Variants in PIGU observed in about 807,000 individuals in gnomAD.
PIGU encodes the protein GPI-anchor transamidase component PIGU.
Under a neutral mutation model 49.9 loss-of-function variants are expected in PIGU, and 24 were observed. The observed-to-expected ratio is 0.48, with a 90% CI of 0.35 to 0.68. The LOEUF is 0.68. Ranked by LOEUF, PIGU falls within the 30% of genes least tolerant of loss-of-function variation. The pLI, the probability that PIGU is intolerant of heterozygous loss-of-function variation, is 0.01. For missense variants in PIGU, 490 were observed against 532.6 expected (o/e 0.92, Z 0.79); for synonymous variants, 220 against 205.7 (o/e 1.07, Z -0.59).
At chr20:34,593,951 T>A (rs1265247379) in intron 7 of PIGU, among the ~76,000 whole-genome samples, 1 of 151,502 alleles carries the variant, frequency 6.6e-6, no homozygotes, top group Non-Finnish European at 1.5e-5. Context: ...CTGAGGCAGG[T>A]GGATCACTTG....
intron 1 of PIGU, among the ~76,000 whole-genome samples, chr20:34,666,065 A>G (rs1044049165): frequency 6.6e-6 from 1 of 152,118 alleles, no homozygotes; most frequent in Non-Finnish European, 1.5e-5. Flanking sequence ...ATGCACTTGT[A>G]GTCTCAGCTC....
At chr20:34,600,334 G>A (rs191491957) in intron 7 of PIGU, among the ~76,000 whole-genome samples, 8 of 152,096 alleles carry the variant, frequency 5.3e-5, no homozygotes, top group Admixed American at 4.6e-4. Context: ...TTGAACCTGG[G>A]AGGCGGAGGT....
At chr20:34,575,368 C>G in intron 10 of PIGU, 122 bp from the exon 11 acceptor site, 1 of 1,209,408 alleles carries the variant, frequency 8.3e-7, no homozygotes, top group Non-Finnish European at 1.1e-6. Flanking sequence ...AGGCAGAGCA[C>G]CCCCAGAGGT....
chr20:34,606,652 G>A (rs1984627019), intron 7 of PIGU, among the ~76,000 whole-genome samples: 1 of 152,150 alleles, frequency 6.6e-6, no homozygotes, highest in South Asian at 2.1e-4. Context: ...ATTTTGTACT[G>A]CCTCATGCCA....
At chr20:34,616,021 T>C (rs1331859284) in intron 7 of PIGU, 21 bp downstream of exon 7, 2 of 1,595,586 alleles carry the variant, frequency 1.3e-6, no homozygotes. Flanking sequence ...GGGTGCTGGC[T>C]TCTGACCAGC....
chr20:34,644,896 AAAGAGT>A (rs1986283411), intron 3 of PIGU, among the ~76,000 whole-genome samples: 1 of 152,222 alleles, frequency 6.6e-6, no homozygotes, highest in African/African-American at 2.4e-5. Context: ...CAAATTCTAA[AAAGAGT>A]AAGTATTTGG....
rs530568984 is a variant in PIGU at position 34,619,359 on chromosome 20, G to A, written c.530-3220C>T. Among the ~76,000 whole-genome samples the A allele has an allele frequency of 3.3e-5, 5 of 152,320 alleles. No homozygotes were observed. In the East Asian group the frequency reaches 9.7e-4, roughly 29 times the overall value. Reference sequence around the variant, plus strand: ...CAGTGGCAGTAGTAGGAAAGGTGCTGTTCTGGAGCCCAACAGCTAGGGTGG... The same window carrying A: ...CAGTGGCAGTAGTAGGAAAGGTGCTATTCTGGAGCCCAACAGCTAGGGTGG... On this transcript the variant is annotated intron_variant, in intron 6 of 11. Transcript: ENST00000217446.
At chr20:34,623,248 T>C (rs764804107) in intron 6 of PIGU, among the ~76,000 whole-genome samples, 18 of 151,364 alleles carry the variant, frequency 1.2e-4, no homozygotes, top group Non-Finnish European at 2.5e-4. Context: ...TGCACCAGGG[T>C]GTGGGGCAAC....
At position 34,560,971 on chromosome 20, in the gene PIGU, G is replaced by C. The variant is rs942908886; in HGVS notation, c.1203C>G (p.Leu401=). ...GGAAGGCATAGAAGTAATCAGAGATGAGCAGGATCTGGGGGGAGAGAGAGG... is the reference window on the plus strand; with the variant it reads ...GGAAGGCATAGAAGTAATCAGAGATCAGCAGGATCTGGGGGGAGAGAGAGG... The part of the protein sequence containing the change: ...TLTFNVGQIL[L]ISDYFYAFLR... Residue 401 remains leucine (L), a synonymous_variant, in exon 12 of 12, where the codon CTC becomes CTG. Transcript: ENST00000217446. The C allele has an allele frequency of 1.9e-6, 3 of 1,605,294 alleles. No homozygotes were observed. Among genetic ancestry groups the C allele is most frequent in the Non-Finnish European group, 2.6e-6 (3 of 1,172,536 alleles).
At chr20:34,639,490 A>G (rs1202338555) in intron 4 of PIGU, among the ~76,000 whole-genome samples, 1 of 152,184 alleles carries the variant, frequency 6.6e-6, no homozygotes, top group Admixed American at 6.5e-5. Flanking sequence ...CACTAGATTC[A>G]GAACAGTGGT....
At chr20:34,620,805 A>C (rs1460338241) in intron 6 of PIGU, among the ~76,000 whole-genome samples, 2 of 123,782 alleles carry the variant, frequency 1.6e-5, no homozygotes, top group African/African-American at 2.8e-5. Flanking sequence ...CACCTAAAAA[A>C]AAACAAAAAA....
At chr20:34,664,530 C>G (rs1987026945) in intron 1 of PIGU, among the ~76,000 whole-genome samples, 1 of 151,670 alleles carries the variant, frequency 6.6e-6, no homozygotes, top group African/African-American at 2.4e-5. Flanking sequence ...GAAACCCTGT[C>G]TTTACTAAAA....
intron 7 of PIGU, among the ~76,000 whole-genome samples, chr20:34,599,168 A>C (rs1360458369): frequency 6.6e-6 from 1 of 152,146 alleles, no homozygotes; most frequent in Non-Finnish European, 1.5e-5. Context: ...ACCAGTAAAA[A>C]TTGGCCAGGT....
At chr20:34,590,182 C>T (rs1983898187) in intron 7 of PIGU, among the ~76,000 whole-genome samples, 1 of 150,500 alleles carries the variant, frequency 6.6e-6, no homozygotes, top group Admixed American at 6.6e-5. Flanking sequence ...ACAAAAAAAC[C>T]ACCCCAGTAT....
intron 1 of PIGU, among the ~76,000 whole-genome samples, chr20:34,668,172 G>T (rs987064768): frequency 1.3e-5 from 2 of 151,824 alleles, no homozygotes; most frequent in Non-Finnish European, 1.5e-5. Flanking sequence ...ACAACTAAAC[G>T]CAATATGTGG....
At chr20:34,666,319 G>C (rs2146793904) in intron 1 of PIGU, among the ~76,000 whole-genome samples, 1 of 152,164 alleles carries the variant, frequency 6.6e-6, no homozygotes, top group Middle Eastern at 3.4e-3. Flanking sequence ...CTTTTTCCTG[G>C]AGTATCCTCC....
intron 11 of PIGU, among the ~76,000 whole-genome samples, chr20:34,573,683 G>A (rs1356443131): frequency 6.6e-6 from 1 of 152,234 alleles, no homozygotes; most frequent in African/African-American, 2.4e-5. Context: ...AGGCAGGAGA[G>A]CCAGGGCAAC....
chr20:34,643,096 T>C (rs1430361647), intron 4 of PIGU, among the ~76,000 whole-genome samples: 1 of 152,100 alleles, frequency 6.6e-6, no homozygotes. Context: ...CCCTAAAGTT[T>C]TCAAGATATG....
At chr20:34,574,644 C>T (rs775271804) in intron 11 of PIGU, among the ~76,000 whole-genome samples, 2 of 152,096 alleles carry the variant, frequency 1.3e-5, no homozygotes. Context: ...CCCGAGAGTC[C>T]GCAGAGCCTC....
Sources: allele counts gnomAD v4.1 joint callset (sites outside exome capture counted in the v4.1 genomes callset), GRCh38; gene constraint gnomAD v4.1.1; transcripts MANE v1.5; gene names NCBI Gene and HGNC (gene_info 2026-07-23, HGNC 2026-07-21).